Variants in SRGAP2B observed in about 807,000 individuals in gnomAD.
SRGAP2B encodes the protein SLIT-ROBO Rho GTPase-activating protein 2B.
Under a neutral mutation model 22.2 loss-of-function variants are expected in SRGAP2B, and 9 were observed. The observed-to-expected ratio is 0.41, with a 90% CI of 0.24 to 0.71. The LOEUF is 0.71. Among genes scored for constraint, SRGAP2B ranks in the 30% least tolerant of loss-of-function variants. SRGAP2B has a pLI of 0.35. For missense variants in SRGAP2B, 114 were observed against 235.8 expected, an observed-to-expected ratio of 0.48 and a Z score of 3.38; for synonymous variants, 36 against 87.4, an observed-to-expected ratio of 0.41 and a Z score of 3.28.
chr1:144,994,606 GAGAGAC>G (rs1217536607), intron 3 of SRGAP2B, among the ~76,000 whole-genome samples: 5 of 143,098 alleles, frequency 3.5e-5, no homozygotes, highest in Admixed American at 7.0e-5. Context: ...GAGAGAGAGA[GAGAGAC>G]AGAGATTAAG....
In SRGAP2B at chr1:145,080,289, C is replaced by T. The variant is rs587696252; in HGVS notation, c.67+12546G>A. Among the ~76,000 whole-genome samples, 3 of 148,472 alleles carry T rather than the reference C, an allele frequency of 2.0e-5. No homozygotes were observed. The South Asian group carries it at 6.4e-4, about 32-fold the overall frequency. On this transcript the variant is annotated intron_variant, in intron 2 of 9. Coordinates refer to ENST00000612199, the Ensembl canonical transcript of SRGAP2B. ...CTGTAGGCCCATCAAGTAACTCTCT[C>T]TCCCCTCGATTTTTCTCCAGCTGTG...
intron 2 of SRGAP2B, among the ~76,000 whole-genome samples, chr1:145,030,352 T>C (rs1315349540): frequency 6.7e-6 from 1 of 149,852 alleles, no homozygotes; most frequent in Non-Finnish European, 1.5e-5. Flanking sequence ...TTAAAATATA[T>C]TCCATGTTTG....
At chr1:145,093,990 C>A (rs1571185105) in intron 1 of SRGAP2B, among the ~76,000 whole-genome samples, 1 of 148,288 alleles carries the variant, frequency 6.7e-6, no homozygotes, top group African/African-American at 2.6e-5. Context: ...AAAGCCTGCT[C>A]GGCACGGGAC....
intron 2 of SRGAP2B, among the ~76,000 whole-genome samples, chr1:145,081,123 T>G: frequency 6.7e-6 from 1 of 149,664 alleles, no homozygotes; most frequent in Non-Finnish European, 1.5e-5. Context: ...CAGTGTTAAG[T>G]CAGCTTAGGT....
At chr1:145,009,699 A>G (rs1367464811) in intron 2 of SRGAP2B, among the ~76,000 whole-genome samples, 2 of 144,790 alleles carry the variant, frequency 1.4e-5, no homozygotes, top group South Asian at 2.1e-4. Context: ...GAAATTTTTT[A>G]TAATAAAAAG....
At chr1:145,016,950 G>A (rs1441324410) in intron 2 of SRGAP2B, among the ~76,000 whole-genome samples, 2 of 144,104 alleles carry the variant, frequency 1.4e-5, no homozygotes, top group African/African-American at 2.6e-5. Flanking sequence ...CCGGGTTCAA[G>A]TTTTTTTTGT....
At chr1:144,995,149 T>C (rs1553618270) in exon 3 of SRGAP2B, 3 of 1,077,812 alleles carry the variant, frequency 2.8e-6, no homozygotes, top group Admixed American at 2.4e-5. Context: ...CACCCGAAGC[T>C]CACACTGCTG....
At chr1:144,943,782 T>C (rs1157593593) in intron 4 of SRGAP2B, among the ~76,000 whole-genome samples, 2 of 149,100 alleles carry the variant, frequency 1.3e-5, no homozygotes, top group African/African-American at 5.1e-5. Context: ...ATTTATAACA[T>C]ACATAATAGC....
intron 2 of SRGAP2B, among the ~76,000 whole-genome samples, chr1:145,041,095 A>ATATATAG (rs1649200782): frequency 8.6e-6 from 1 of 116,794 alleles, no homozygotes; most frequent in South Asian, 2.7e-4. Flanking sequence ...ATATATATAT[A>ATATATAG]TATATATATA....
At chr1:145,001,862 T>A (rs1273645697) in intron 2 of SRGAP2B, among the ~76,000 whole-genome samples, 4 of 149,712 alleles carry the variant, frequency 2.7e-5, no homozygotes, top group Non-Finnish European at 5.9e-5. Context: ...CTCTACAAAA[T>A]TTTTTTTTAA....
intron 2 of SRGAP2B, among the ~76,000 whole-genome samples, chr1:145,064,344 G>C (rs1651262018): frequency 6.7e-6 from 1 of 149,182 alleles, no homozygotes; most frequent in Admixed American, 6.6e-5. Flanking sequence ...ATGGCAGTAA[G>C]GTCAAGGAAT....
chr1:144,966,229 G>T (rs1212331416), intron 3 of SRGAP2B, among the ~76,000 whole-genome samples: 1 of 149,566 alleles, frequency 6.7e-6, no homozygotes, highest in African/African-American at 2.5e-5. Context: ...AAATGTTAAG[G>T]GCAGCCAGAG....
At chr1:144,956,948 C>T (rs368220624) in intron 3 of SRGAP2B, among the ~76,000 whole-genome samples, 1 of 150,378 alleles carries the variant, frequency 6.6e-6, no homozygotes, top group East Asian at 2.0e-4. Flanking sequence ...TGTTGTTTGA[C>T]TTAAACCCCA....
At chr1:145,066,593 C>A (rs1472490362) in intron 2 of SRGAP2B, among the ~76,000 whole-genome samples, 4 of 150,312 alleles carry the variant, frequency 2.7e-5, no homozygotes, top group Non-Finnish European at 5.9e-5. Flanking sequence ...GTTCTTTCTA[C>A]TTGCTTCAGA....
Position 144,971,234 on chromosome 1 carries a change from G to A in SRGAP2B, c.261-15633C>T, listed in dbSNP as rs587743306. 1.8e-3 allele frequency among the ~76,000 whole-genome samples: 268 copies of A among 148,300 alleles called. 15 individuals are homozygous for A. Among genetic ancestry groups the A allele is most frequent in the African/African-American group, 6.6e-3 (257 of 38,910 alleles). On this transcript the variant is annotated intron_variant, in intron 3 of 9. Transcript: ENST00000612199. ...CAACCTCCGCCTCCTGGGTTCAAGC[G>A]ATTCTCCTGCCTCAGCCTCCTGAGT... is the stretch of plus-strand genomic sequence containing the variant.
At chr1:145,090,198 G>A (rs187825949) in intron 2 of SRGAP2B, among the ~76,000 whole-genome samples, 2 of 148,994 alleles carry the variant, frequency 1.3e-5, no homozygotes, top group Non-Finnish European at 2.9e-5. Flanking sequence ...CTAGTGGGGG[G>A]CAGAGCCAAA....
chr1:145,012,421 G>GT (rs1672124847), intron 2 of SRGAP2B, among the ~76,000 whole-genome samples: 1 of 149,094 alleles, frequency 6.7e-6, no homozygotes, highest in Non-Finnish European at 1.5e-5. Flanking sequence ...ATAAGCAAGA[G>GT]TTATTCCTTT....
intron 2 of SRGAP2B, among the ~76,000 whole-genome samples, chr1:145,068,741 A>C (rs1364087368): frequency 7.2e-6 from 1 of 138,334 alleles, no homozygotes; most frequent in East Asian, 2.1e-4. Context: ...ACGGCAACTG[A>C]TCAGTTTACC....
intron 3 of SRGAP2B, among the ~76,000 whole-genome samples, chr1:144,984,365 CAAAA>C (rs57268593): frequency 2.4e-5 from 3 of 126,434 alleles, no homozygotes; most frequent in Non-Finnish European, 4.9e-5. Context: ...ACAACAACAA[CAAAA>C]AAAAAAAAAC....
Sources: gnomAD v4.1 joint callset for allele counts (sites outside exome capture counted in the v4.1 genomes callset) on GRCh38, gnomAD v4.1.1 for gene constraint, MANE v1.5 for transcripts, NCBI Gene and HGNC (gene_info 2026-07-23, HGNC 2026-07-21) for gene names.